Variants in IFT88 observed in about 807,000 individuals in gnomAD.
IFT88 encodes intraflagellar transport protein 88 homolog.
IFT88 carries 74 observed loss-of-function variants against 119.5 expected under a neutral mutation model. The observed-to-expected ratio is 0.62, with a 90% confidence interval of 0.51 to 0.75. IFT88 has a LOEUF of 0.75. Among genes scored for constraint, IFT88 ranks in the 30% least tolerant of loss-of-function variants. The probability of loss-of-function intolerance (pLI) is 0.00; values close to 1 mark genes in which losing one functional copy is unlikely to be tolerated. For synonymous variants in IFT88, 279 were observed against 316.7 expected (o/e 0.88, Z 1.26); for missense variants, 961 against 977.7 (o/e 0.98, Z 0.23).
At chr13:20,571,160 A>G (rs2036284452) in intron 1 of IFT88, among the ~76,000 whole-genome samples, 1 of 151,636 alleles carries the variant, frequency 6.6e-6, no homozygotes, top group Admixed American at 6.6e-5. Context: ...TGCCCGGCTA[A>G]TTTTTTTGTA....
intron 1 of IFT88, among the ~76,000 whole-genome samples, chr13:20,569,824 C>G (rs902526982): frequency 5.3e-5 from 8 of 151,520 alleles, no homozygotes; most frequent in Admixed American, 2.0e-4. Flanking sequence ...GTCAGGAGAT[C>G]GAGACCATAC....
At chr13:20,675,458 G>C (rs1039560205) in intron 24 of IFT88, among the ~76,000 whole-genome samples, 3 of 152,186 alleles carry the variant, frequency 2.0e-5, no homozygotes, top group African/African-American at 7.2e-5. Flanking sequence ...AACAGCACCA[G>C]AGCACCAAAG....
chr13:20,607,932 C>G (rs1274312718), intron 13 of IFT88: 1 of 655,270 alleles, frequency 1.5e-6, no homozygotes, highest in South Asian at 1.5e-5. Context: ...TCTACAAGAC[C>G]AAGTAAGATG....
intron 16 of IFT88, among the ~76,000 whole-genome samples, chr13:20,638,088 A>G (rs897017597): frequency 2.6e-5 from 4 of 152,218 alleles, no homozygotes; most frequent in African/African-American, 7.2e-5. Context: ...AACCACCTAC[A>G]TATAAATAGT....
intron 14 of IFT88, among the ~76,000 whole-genome samples, chr13:20,618,660 A>G (rs757562239): frequency 4.6e-5 from 7 of 152,168 alleles, no homozygotes; most frequent in African/African-American, 7.2e-5. Flanking sequence ...CTTAAATGGG[A>G]TAGAACATCT....
At chr13:20,617,096 A>G (rs1258052376) in intron 14 of IFT88, among the ~76,000 whole-genome samples, 1 of 152,128 alleles carries the variant, frequency 6.6e-6, no homozygotes. Context: ...GGCGCCCGCC[A>G]CCAAGCCCAG....
chr13:20,587,084 A>G (rs1158266577), intron 3 of IFT88, among the ~76,000 whole-genome samples: 1 of 152,198 alleles, frequency 6.6e-6, no homozygotes, highest in African/African-American at 2.4e-5. Flanking sequence ...TAGATAGGGA[A>G]CATAATCTGT....
At chr13:20,572,658 C>T (rs1448524832) in intron 1 of IFT88, among the ~76,000 whole-genome samples, 2 of 152,152 alleles carry the variant, frequency 1.3e-5, no homozygotes, top group African/African-American at 2.4e-5. Context: ...AAGCAGAAAT[C>T]GCAGTGTATA....
chr13:20,632,678 T>C, intron 16 of IFT88, among the ~76,000 whole-genome samples: 1 of 152,236 alleles, frequency 6.6e-6, no homozygotes, highest in East Asian at 1.9e-4. Flanking sequence ...CACCTTCCTT[T>C]GTGCTCCTAG....
intron 24 of IFT88, among the ~76,000 whole-genome samples, chr13:20,687,856 A>AAAGAGTAAGCAAG (rs372120475): frequency 6.6e-6 from 1 of 152,094 alleles, no homozygotes; most frequent in African/African-American, 2.4e-5. Flanking sequence ...TTTAAATCCA[A>AAAGAGTAAGCAAG]TGTGCAGGAG....
chr13:20,655,219 G>A (rs550460092), intron 21 of IFT88, among the ~76,000 whole-genome samples: 41 of 152,068 alleles, frequency 2.7e-4, no homozygotes, highest in Admixed American at 1.2e-3. Flanking sequence ...AGATCACGAG[G>A]TCAAGAGATC....
chr13:20,617,253 TGTG>T (rs1284439281), intron 14 of IFT88, among the ~76,000 whole-genome samples: 1 of 152,030 alleles, frequency 6.6e-6, no homozygotes, highest in Non-Finnish European at 1.5e-5. Flanking sequence ...TCCTGGGTAG[TGTG>T]GTGCTGAATA....
At chr13:20,586,793 A>G (rs911863458) in intron 3 of IFT88, among the ~76,000 whole-genome samples, 1 of 152,208 alleles carries the variant, frequency 6.6e-6, no homozygotes, top group African/African-American at 2.4e-5. Context: ...AAACATGTAT[A>G]CAAATTAAAA....
chr13:20,677,990 G>A (rs910155521), intron 24 of IFT88, among the ~76,000 whole-genome samples: 20 of 152,298 alleles, frequency 1.3e-4, no homozygotes, highest in African/African-American at 4.1e-4. Context: ...CTTAAGGGAA[G>A]GGGAATGTTG....
Position 20,691,280 on chromosome 13 carries a change from C to A in IFT88, c.*105C>A. 9.3e-7 allele frequency: 1 copy of A among 1,080,008 alleles called. No homozygotes were observed. Among genetic ancestry groups the A allele is most frequent in the Non-Finnish European group, 1.3e-6 (1 of 768,620 alleles). 66.9% of individuals were successfully genotyped at this position (1,080,008 alleles called of 1,614,324 possible). On this transcript the variant is annotated 3_prime_UTR_variant, in exon 26 of 26. Transcript: ENST00000351808. ...ACCTGTAATTATTTTTTTTCACTGT[C>A]AAAACTTAAGTAAGTGTATTCTATT...
chr13:20,602,365 C>T (rs370424087), intron 12 of IFT88, among the ~76,000 whole-genome samples: 56 of 152,014 alleles, frequency 3.7e-4, no homozygotes, highest in African/African-American at 1.3e-3. Context: ...CCACCATGCC[C>T]GGCTAAGTTT....
chr13:20,601,986 C>G, intron 12 of IFT88, 53 bp downstream of exon 12: 1 of 1,035,514 alleles, frequency 9.7e-7, no homozygotes, highest in East Asian at 2.5e-5. Context: ...CTGTGCTTTT[C>G]TGTTTTCAGA....
At chr13:20,659,714 G>T (rs2053481018) in intron 22 of IFT88, among the ~76,000 whole-genome samples, 1 of 151,548 alleles carries the variant, frequency 6.6e-6, no homozygotes, top group Non-Finnish European at 1.5e-5. Flanking sequence ...TGCGATCTCG[G>T]CTCACTGCAA....
Position 20,668,665 on chromosome 13 carries a change from C to T in IFT88, c.2176-2308C>T, listed in dbSNP as rs527945048. 3.3e-5 allele frequency among the ~76,000 whole-genome samples: 5 copies of T among 152,230 alleles called. No individual in the cohort carries two copies. In the East Asian group the frequency reaches 9.7e-4, roughly 29 times the overall value. On this transcript the variant is annotated intron_variant, in intron 23 of 25. Coordinates refer to ENST00000351808, the MANE Select transcript of IFT88 (RefSeq NM_006531.5). ...AAGGAGAAAGACAAACCGGTAGAGT[C>T]GGACCCTGAGCATAATGAGAGCACA...
Sources: allele counts gnomAD v4.1 joint callset (sites outside exome capture counted in the v4.1 genomes callset), GRCh38; gene constraint gnomAD v4.1.1; transcripts MANE v1.5; gene names NCBI Gene and HGNC (gene_info 2026-07-23, HGNC 2026-07-21).